Variants in CDH13 observed in about 807,000 individuals in gnomAD.
CDH13 encodes the protein cadherin 13, also known as cadherin-13.
In CDH13, 24 loss-of-function variants were observed where a neutral mutation model predicts 63.8. The observed-to-expected ratio is 0.38, with a 90% CI of 0.27 to 0.53. CDH13 has a LOEUF of 0.53. Ranked by LOEUF, CDH13 falls within the 20% of genes least tolerant of loss-of-function variation. CDH13 has a pLI of 0.85. For missense variants in CDH13, 1,049 were observed against 903.1 expected (o/e 1.16, Z -2.07); for synonymous variants, 503 against 355.3 (o/e 1.42, Z -4.67).
intron 2 of CDH13, among the ~76,000 whole-genome samples, chr16:82,955,937 C>T (rs140074451): frequency 7.5e-4 from 114 of 152,282 alleles, no homozygotes; most frequent in African/African-American, 2.6e-3. Flanking sequence ...ATGAAATATG[C>T]AAGAGTCTGT....
intron 2 of CDH13, among the ~76,000 whole-genome samples, chr16:83,013,535 C>T (rs1298682767): frequency 6.6e-6 from 1 of 152,334 alleles, no homozygotes; most frequent in Non-Finnish European, 1.5e-5. Flanking sequence ...AAACCCCAAT[C>T]CTCACAAGTG....
intron 3 of CDH13, among the ~76,000 whole-genome samples, chr16:83,055,150 A>G (rs2030785299): frequency 6.6e-6 from 1 of 152,114 alleles, no homozygotes; most frequent in South Asian, 2.1e-4. Flanking sequence ...TATAATGGAA[A>G]TACAACATAA....
chr16:83,563,011 C>T (rs1329056827), intron 7 of CDH13, among the ~76,000 whole-genome samples: 2 of 152,126 alleles, frequency 1.3e-5, no homozygotes, highest in Non-Finnish European at 2.9e-5. Flanking sequence ...GGGTGTGTCT[C>T]CTCATCTGTA....
intron 2 of CDH13, among the ~76,000 whole-genome samples, chr16:83,009,644 T>G (rs1250483112): frequency 6.6e-6 from 1 of 152,214 alleles, no homozygotes; most frequent in African/African-American, 2.4e-5. Context: ...ATTTAATAGC[T>G]GTTCTTTTTA....
At chr16:83,618,830 T>G (rs1234817160) in intron 8 of CDH13, among the ~76,000 whole-genome samples, 1 of 149,374 alleles carries the variant, frequency 6.7e-6, no homozygotes, top group African/African-American at 2.6e-5. Context: ...ATCCTGTGAG[T>G]TAAAAAAAAA....
At chr16:83,547,237 A>G (rs2075402412) in intron 7 of CDH13, among the ~76,000 whole-genome samples, 2 of 152,238 alleles carry the variant, frequency 1.3e-5, no homozygotes, top group African/African-American at 2.4e-5. Context: ...AGTACACAGC[A>G]GTGAGCCTGG....
At chr16:83,110,507 G>C (rs1288389185) in intron 3 of CDH13, among the ~76,000 whole-genome samples, 2 of 152,180 alleles carry the variant, frequency 1.3e-5, no homozygotes, top group Admixed American at 1.3e-4. Flanking sequence ...TTACTGGGCT[G>C]GCGAGCTGAG....
intron 2 of CDH13, among the ~76,000 whole-genome samples, chr16:82,912,907 C>T (rs1451317566): frequency 1.3e-5 from 2 of 150,934 alleles, no homozygotes; most frequent in East Asian, 2.0e-4. Context: ...CACGCCACTG[C>T]ACTCCAGCCT....
chr16:82,661,673 A>G (rs1555530400), intron 1 of CDH13, among the ~76,000 whole-genome samples: 1 of 152,236 alleles, frequency 6.6e-6, no homozygotes, highest in Non-Finnish European at 1.5e-5. Flanking sequence ...TAGCTTACAA[A>G]TGTATGAACT....
chr16:83,188,587 G>T (rs923368167), intron 4 of CDH13, among the ~76,000 whole-genome samples: 1 of 152,104 alleles, frequency 6.6e-6, no homozygotes, highest in Non-Finnish European at 1.5e-5. Flanking sequence ...CCATGGTCCT[G>T]GCTCCCAAAC....
At chr16:83,072,448 A>C (rs975063401) in intron 3 of CDH13, among the ~76,000 whole-genome samples, 1 of 152,168 alleles carries the variant, frequency 6.6e-6, no homozygotes, top group African/African-American at 2.4e-5. Flanking sequence ...ATTCTAACTC[A>C]CCATTGGGTA....
At chr16:83,650,686 A>C (rs1448309915) in intron 8 of CDH13, among the ~76,000 whole-genome samples, 2 of 152,192 alleles carry the variant, frequency 1.3e-5, no homozygotes. Context: ...GGCAGCCCCC[A>C]CCCAATGAAC....
intron 3 of CDH13, among the ~76,000 whole-genome samples, chr16:83,120,748 G>A (rs569204856): frequency 2.6e-4 from 35 of 132,626 alleles, no homozygotes; most frequent in African/African-American, 9.1e-4. Flanking sequence ...AATACAACGC[G>A]CTCTAATTTT....
At chr16:83,482,382 G>A (rs60580678) in intron 6 of CDH13, among the ~76,000 whole-genome samples, 45,166 of 152,124 alleles carry the variant, frequency 0.3, 6,840 homozygotes, top group Admixed American at 0.35. Context: ...AGCAAAGTTT[G>A]GTGAGTGCTG....
intron 6 of CDH13, among the ~76,000 whole-genome samples, chr16:83,412,607 CGAA>C (rs1288939785): frequency 6.6e-6 from 1 of 152,088 alleles, no homozygotes; most frequent in Non-Finnish European, 1.5e-5. Context: ...TTGTGGTCCC[CGAA>C]GAAAGAAGAT....
intron 2 of CDH13, among the ~76,000 whole-genome samples, chr16:82,997,297 T>A (rs941223720): frequency 6.6e-6 from 1 of 152,184 alleles, no homozygotes; most frequent in African/African-American, 2.4e-5. Flanking sequence ...ATGTGTAAAC[T>A]CACAGTGCTC....
intron 1 of CDH13, among the ~76,000 whole-genome samples, chr16:82,838,928 A>C (rs2038887086): frequency 6.6e-6 from 1 of 152,202 alleles, no homozygotes; most frequent in Admixed American, 6.5e-5. Flanking sequence ...GCCAGATAAT[A>C]AATTTTCAGA....
chr16:83,548,995 C>T (rs193236079), intron 7 of CDH13, among the ~76,000 whole-genome samples: 2 of 152,296 alleles, frequency 1.3e-5, no homozygotes, highest in Admixed American at 6.5e-5. Flanking sequence ...GTGATTTAGT[C>T]CCCTCATCTG....
At chr16:82,858,187 A>G (rs998402335) in intron 1 of CDH13, among the ~76,000 whole-genome samples, 175 bp from the exon 2 acceptor site, 7 of 152,216 alleles carry the variant, frequency 4.6e-5, no homozygotes, top group Admixed American at 3.3e-4. Flanking sequence ...GTATTCTCCA[A>G]ATCTCAGTGC....
Sources: allele counts gnomAD v4.1 joint callset (sites outside exome capture counted in the v4.1 genomes callset), GRCh38; gene constraint gnomAD v4.1.1; transcripts MANE v1.5; gene names NCBI Gene and HGNC (gene_info 2026-07-23, HGNC 2026-07-21).